Variants in PCDHA1 observed in about 807,000 individuals in gnomAD.
PCDHA1 encodes protocadherin alpha-1.
In PCDHA1, 42 loss-of-function variants were observed where a neutral mutation model predicts 61.3. The ratio of observed to expected loss-of-function variants is 0.69; its 90% confidence interval spans 0.54 to 0.89. The LOEUF (loss-of-function observed/expected upper bound fraction) is 0.89, where lower values mean the gene tolerates loss of function less well. Among genes scored for constraint, PCDHA1 ranks in the 40% least tolerant of loss-of-function variants. PCDHA1 has a pLI of 0.00. For missense variants in PCDHA1, 1,256 were observed against 1,235.3 expected (o/e 1.02, Z -0.25); for synonymous variants, 610 against 553.8 (o/e 1.10, Z -1.43).
chr5:140,837,513 T>A (rs1414175460), intron 1 of PCDHA1, among the ~76,000 whole-genome samples: 2 of 96,810 alleles, frequency 2.1e-5, no homozygotes, highest in Admixed American at 9.8e-5. Flanking sequence ...CTGAAGCAGT[T>A]TACTTTTTTT....
intron 1 of PCDHA1, chr5:140,863,386 T>C (rs1554158163): frequency 9.7e-7 from 1 of 1,032,576 alleles, no homozygotes; most frequent in South Asian, 1.2e-5. Flanking sequence ...CGAGAGCTCG[T>C]GCATGCCGGG....
rs911070094 is a variant in PCDHA1, at chr5:141,009,570, G to A, written c.2543-57G>A. On this transcript the variant is annotated intron_variant, in intron 3 of 3. Coordinates refer to ENST00000504120, the MANE Select transcript of PCDHA1 (RefSeq NM_018900.4). ...AGTACTCCTGTACTCTACCAGCAGT[G>A]TGGCATCAAGAGCATGTGTTGACCC... The A allele has an allele frequency of 1.9e-6, 3 of 1,577,968 alleles. No homozygotes were observed. In the Admixed American group the frequency reaches 5.2e-5, roughly 28 times the overall value.
intron 1 of PCDHA1, among the ~76,000 whole-genome samples, chr5:140,794,571 A>C (rs1554119132): frequency 6.6e-6 from 1 of 152,266 alleles, no homozygotes; most frequent in African/African-American, 2.4e-5. Context: ...GAATATACTT[A>C]ACATTACTGA....
intron 1 of PCDHA1, among the ~76,000 whole-genome samples, chr5:140,826,177 T>A (rs1310139687): frequency 6.6e-6 from 1 of 152,232 alleles, no homozygotes; most frequent in African/African-American, 2.4e-5. Context: ...TGTCATTCTA[T>A]AAATCTAAAG....
At position 140,845,330 on chromosome 5, in the gene PCDHA1, G is replaced by C. The variant is rs2150378470; in HGVS notation, c.2394+56646G>C. ...GTTCTCAGGTATTACTTTAATTACTGAATTCTCCTAAACATTTAATTGACT... is the reference window on the plus strand; with the variant it reads ...GTTCTCAGGTATTACTTTAATTACTCAATTCTCCTAAACATTTAATTGACT... On this transcript the variant is annotated intron_variant, in intron 1 of 3. Coordinates refer to ENST00000504120, the MANE Select transcript of PCDHA1 (RefSeq NM_018900.4). Among the ~76,000 whole-genome samples the C allele has an allele frequency of 1.2e-4, 18 of 149,276 alleles. 2 individuals carry two copies. Among genetic ancestry groups the C allele is most frequent in the Non-Finnish European group, 2.2e-4 (15 of 66,728 alleles).
In PCDHA1 at chr5:141,010,015, C is replaced by G; in HGVS notation, c.*78C>G. On this transcript the variant is annotated 3_prime_UTR_variant, in exon 4 of 4. Transcript: ENST00000504120. ...CTCTCCCATGTAGCAATTCCCTGCT[C>G]CTTTTTCCTATCTACATGAGCCCTC... is the stretch of plus-strand genomic sequence containing the variant. 6.4e-7 allele frequency: 1 copy of G among 1,572,182 alleles called. No homozygotes were observed. Among genetic ancestry groups the G allele is most frequent in the Non-Finnish European group, 8.6e-7 (1 of 1,163,250 alleles).
In PCDHA1 at chr5:140,853,829, C is replaced by T. The variant is rs782020407; in HGVS notation, c.2394+65145C>T. 4.9e-5 allele frequency: 48 copies of T among 986,432 alleles called. 3 individuals carry two copies. Among genetic ancestry groups the T allele is most frequent in the Non-Finnish European group, 5.4e-5 (44 of 818,590 alleles). The allele number at this position is 986,432 out of a possible 1,614,324, so 61.1% of individuals were successfully genotyped here. A position where few individuals can be genotyped will look rare whatever the true frequency, so the allele number is the denominator to read the frequency against. ...ACACCTGAGATGATTCTCATACAACCGAAATTTTAGATCCATAGCCCTATT... is the reference window on the plus strand; with the variant it reads ...ACACCTGAGATGATTCTCATACAACTGAAATTTTAGATCCATAGCCCTATT... On this transcript the variant is annotated intron_variant, in intron 1 of 3. Coordinates refer to ENST00000504120, the MANE Select transcript of PCDHA1 (RefSeq NM_018900.4).
intron 3 of PCDHA1, among the ~76,000 whole-genome samples, chr5:141,002,090 A>AGG (rs782223041): frequency 1.3e-5 from 2 of 152,254 alleles, no homozygotes; most frequent in Non-Finnish European, 2.9e-5. Flanking sequence ...CGAGCAGTCC[A>AGG]GGGGCTGGGC....
At chr5:140,836,737 A>T in intron 1 of PCDHA1, 1 of 1,603,604 alleles carries the variant, frequency 6.2e-7, no homozygotes, top group South Asian at 1.1e-5. Flanking sequence ...TCTACAGACA[A>T]TGTGAGTCAT....
At chr5:140,829,760 G>A (rs2150174077) in intron 1 of PCDHA1, 1 of 1,613,780 alleles carries the variant, frequency 6.2e-7, no homozygotes, top group Admixed American at 1.7e-5. Flanking sequence ...GTTCGTGCTG[G>A]ACGAGAACGA....
chr5:140,818,467 C>G (rs1261385531), intron 1 of PCDHA1, among the ~76,000 whole-genome samples: 1 of 152,112 alleles, frequency 6.6e-6, no homozygotes, highest in Non-Finnish European at 1.5e-5. Context: ...AACTTTCCTC[C>G]CACAAAGTTT....
At chr5:140,797,022 C>T in intron 1 of PCDHA1, 2 of 1,613,700 alleles carry the variant, frequency 1.2e-6, no homozygotes, top group African/African-American at 1.3e-5. Context: ...GGGTGGGCGC[C>T]GCGGGCTCAG....
At chr5:140,954,832 A>G (rs2095096599) in intron 1 of PCDHA1, among the ~76,000 whole-genome samples, 1 of 152,208 alleles carries the variant, frequency 6.6e-6, no homozygotes, top group Admixed American at 6.5e-5. Flanking sequence ...CACTTTTGTC[A>G]TGAAATCTTT....
chr5:140,813,626 G>A (rs2126648112), intron 1 of PCDHA1: 21 of 152,262 alleles, frequency 1.4e-4, no homozygotes, highest in African/African-American at 5.1e-4. Context: ...GAATGTGAAG[G>A]CCCAGGACAT....
Position 140,787,978 on chromosome 5 carries a change from C to T in PCDHA1, c.1688C>T (p.Pro563Leu). ...VFVLDENDNAPALLAPRVGGT... is the reference protein window; with the variant it reads ...VFVLDENDNALALLAPRVGGT... ...GTGCTGGACGAGAACGACAACGCGC[C>T]GGCGCTGCTGGCGCCTCGAGTGGGT... The change falls in exon 1 of 4, where the codon CCG (proline) becomes CTG (leucine). Residue 563 changes from proline (P) to leucine (L), a missense_variant. Transcript: ENST00000504120. 3 of 1,613,980 alleles carry T rather than the reference C, an allele frequency of 1.9e-6. No homozygotes were observed. Among genetic ancestry groups the T allele is most frequent in the African/African-American group, 1.3e-5 (1 of 75,050 alleles).
intron 1 of PCDHA1, among the ~76,000 whole-genome samples, chr5:140,947,713 T>G (rs1252298380): frequency 6.6e-6 from 1 of 151,618 alleles, no homozygotes; most frequent in African/African-American, 2.4e-5. Flanking sequence ...AGTATTGAGG[T>G]TTCAAAAGTT....
In PCDHA1 at chr5:140,809,445, A is replaced by C. The variant is rs782301046; in HGVS notation, c.2394+20761A>C. On this transcript the variant is annotated intron_variant, in intron 1 of 3. Transcript: ENST00000504120. ...GTGGGGAGCTGGTCATACTCGCAGC[A>C]GAGGAGGCCGAGGGTGTGCTCTGGT... The C allele has an allele frequency of 1.4e-5, 22 of 1,614,116 alleles. No individual in the cohort carries two copies. The Admixed American group carries it at 3.3e-4, about 24-fold the overall frequency.
At chr5:140,922,369 G>A (rs534587109) in intron 1 of PCDHA1, among the ~76,000 whole-genome samples, 1 of 152,320 alleles carries the variant, frequency 6.6e-6, no homozygotes, top group East Asian at 1.9e-4. Context: ...TTCTCACTGA[G>A]ATGCAAAACC....
chr5:141,001,849 T>C (rs889682000), intron 3 of PCDHA1, among the ~76,000 whole-genome samples: 5 of 151,704 alleles, frequency 3.3e-5, no homozygotes, highest in African/African-American at 7.3e-5. Context: ...GAGAGAGAGG[T>C]TGATTAAATT....
Sources: allele counts gnomAD v4.1 joint callset (sites outside exome capture counted in the v4.1 genomes callset), GRCh38; gene constraint gnomAD v4.1.1; transcripts MANE v1.5; gene names NCBI Gene and HGNC (gene_info 2026-07-23, HGNC 2026-07-21).